PCMT1: variants seen among roughly 807,000 people sequenced by gnomAD.
The protein encoded by PCMT1 is protein-L-isoaspartate(D-aspartate) O-methyltransferase.
In PCMT1, 9 loss-of-function variants were observed where a neutral mutation model predicts 29.2. That is an observed-to-expected ratio of 0.31 (90% confidence interval 0.19 to 0.54). The LOEUF is 0.54. Ranked by LOEUF, PCMT1 falls within the 20% of genes least tolerant of loss-of-function variation. PCMT1 has a pLI of 0.95. For missense variants in PCMT1, 184 were observed against 282.2 expected (o/e 0.65, Z 2.49); for synonymous variants, 98 against 97.5 (o/e 1.00, Z -0.03).
At chr6:149,799,496 T>G (rs1788738145) in intron 6 of PCMT1, among the ~76,000 whole-genome samples, 1 of 152,202 alleles carries the variant, frequency 6.6e-6, no homozygotes, top group Non-Finnish European at 1.5e-5. Context: ...CAAGATAGTT[T>G]TAGGTTTGCA....
chr6:149,782,896 C>T (rs1362869096), intron 3 of PCMT1, among the ~76,000 whole-genome samples: 1 of 152,034 alleles, frequency 6.6e-6, no homozygotes, highest in South Asian at 2.1e-4. Flanking sequence ...GTGGCTGATG[C>T]GTGTAATCTC....
chr6:149,801,454 G>A (rs1414846869), intron 6 of PCMT1, among the ~76,000 whole-genome samples: 1 of 151,978 alleles, frequency 6.6e-6, no homozygotes, highest in African/African-American at 2.4e-5. Flanking sequence ...TATATACTAT[G>A]TATTTATTTT....
intron 1 of PCMT1, among the ~76,000 whole-genome samples, chr6:149,764,808 G>A (rs935498980): frequency 6.6e-6 from 1 of 151,934 alleles, no homozygotes; most frequent in Non-Finnish European, 1.5e-5. Flanking sequence ...TTGGGAGGCC[G>A]AGGCGGGTAG....
intron 3 of PCMT1, among the ~76,000 whole-genome samples, chr6:149,789,244 T>C (rs1051400000): frequency 1.3e-5 from 2 of 152,046 alleles, no homozygotes; most frequent in Non-Finnish European, 2.9e-5. Context: ...CCCAGCTAAT[T>C]TTCTTGTATT....
At chr6:149,778,566 G>T (rs762056768) in intron 3 of PCMT1, among the ~76,000 whole-genome samples, 2 of 150,026 alleles carry the variant, frequency 1.3e-5, no homozygotes, top group Non-Finnish European at 3.0e-5. Flanking sequence ...AAGACAGGGT[G>T]TTGCTTTGTT....
At chr6:149,781,143 T>C (rs1397936631) in intron 3 of PCMT1, among the ~76,000 whole-genome samples, 2 of 152,148 alleles carry the variant, frequency 1.3e-5, no homozygotes, top group Admixed American at 6.6e-5. Flanking sequence ...TGGCCATTTC[T>C]GTATCTTCTT....
At chr6:149,801,109 TG>T (rs1295762493) in intron 6 of PCMT1, among the ~76,000 whole-genome samples, 5 of 152,184 alleles carry the variant, frequency 3.3e-5, no homozygotes, top group Non-Finnish European at 5.9e-5. Context: ...CCAAAATATT[TG>T]GGACCAGAAG....
chr6:149,767,575 C>T (rs1434587393), intron 1 of PCMT1, among the ~76,000 whole-genome samples: 2 of 151,360 alleles, frequency 1.3e-5, no homozygotes, highest in Admixed American at 1.3e-4. Flanking sequence ...ACCTCAGTCC[C>T]CTGAGTAGCT....
intron 5 of PCMT1, 116 bp downstream of exon 5, chr6:149,793,785 A>C (rs1788485449): frequency 1.2e-6 from 1 of 867,284 alleles, no homozygotes; most frequent in Non-Finnish European, 1.6e-6. Context: ...AATCACTTTT[A>C]AGTACTAAAA....
chr6:149,801,049 T>C lies in PCMT1; in HGVS notation c.505-1151T>C, dbSNP rs192385797. Reference sequence around the variant, plus strand: ...GTCGTTTAATAGAGGAGGCTGATAGTTGAGTAATAATATAACAATCAAAGT... The same window carrying C: ...GTCGTTTAATAGAGGAGGCTGATAGCTGAGTAATAATATAACAATCAAAGT... On this transcript the variant is annotated intron_variant, in intron 6 of 7. Transcript: ENST00000464889. Among the ~76,000 whole-genome samples, 197 of 152,308 alleles carry C rather than the reference T, an allele frequency of 1.3e-3. 1 individual carries two copies. Among genetic ancestry groups the C allele is most frequent in the Non-Finnish European group, 2.2e-3 (153 of 68,026 alleles).
chr6:149,777,776 C>G (rs1481672360), intron 3 of PCMT1, among the ~76,000 whole-genome samples: 1 of 151,486 alleles, frequency 6.6e-6, no homozygotes, highest in Non-Finnish European at 1.5e-5. Context: ...TCCTTCCTTT[C>G]TTTCTTTGCT....
intron 1 of PCMT1, among the ~76,000 whole-genome samples, chr6:149,753,639 TTTTTG>T (rs1000448708): frequency 3.3e-5 from 5 of 152,332 alleles, no homozygotes; most frequent in South Asian, 2.1e-4. Flanking sequence ...CCAATAGTTT[TTTTTG>T]TTTTGTTTTG....
chr6:149,806,764 GTT>G (rs933405999), intron 7 of PCMT1, among the ~76,000 whole-genome samples: 1 of 151,554 alleles, frequency 6.6e-6, no homozygotes, highest in Admixed American at 6.6e-5. Flanking sequence ...TGATTTTCTT[GTT>G]TTTTTTGTAG....
chr6:149,786,955 C>T (rs1260526605), intron 3 of PCMT1, among the ~76,000 whole-genome samples: 8 of 135,090 alleles, frequency 5.9e-5, no homozygotes, highest in Non-Finnish European at 1.1e-4. Context: ...TGTAGCTAGC[C>T]GAGATCACGC....
intron 3 of PCMT1, among the ~76,000 whole-genome samples, chr6:149,779,333 C>T (rs1362030560): frequency 2.0e-5 from 3 of 152,142 alleles, no homozygotes; most frequent in African/African-American, 7.2e-5. Flanking sequence ...ACGTAACTCC[C>T]TAACTCCTGC....
At chr6:149,764,596 C>T (rs535340342) in intron 1 of PCMT1, among the ~76,000 whole-genome samples, 4 of 152,036 alleles carry the variant, frequency 2.6e-5, no homozygotes, top group Admixed American at 2.0e-4. Context: ...AAAAATTAGC[C>T]GAGTGTGGTG....
At chr6:149,768,444 ATTTTTTTT>A (rs548328646) in intron 1 of PCMT1, among the ~76,000 whole-genome samples, 18 of 75,848 alleles carry the variant, frequency 2.4e-4, no homozygotes, top group African/African-American at 1.0e-3. Context: ...TTAGTCTTGA[ATTTTTTTT>A]TTTTTTTTTT....
chr6:149,752,040 T>TTTTG (rs1213574822), intron 1 of PCMT1, among the ~76,000 whole-genome samples: 6 of 149,860 alleles, frequency 4.0e-5, no homozygotes, highest in Non-Finnish European at 8.9e-5. Flanking sequence ...TTTAGGGTTT[T>TTTTG]TTTTTTTTTT....
intron 7 of PCMT1, among the ~76,000 whole-genome samples, chr6:149,804,952 TAAA>T (rs1384094162): frequency 6.6e-6 from 1 of 152,120 alleles, no homozygotes. Context: ...TTAAGAAATT[TAAA>T]ATAGGGCCAG....
Sources: allele counts gnomAD v4.1 joint callset (sites outside exome capture counted in the v4.1 genomes callset), GRCh38; gene constraint gnomAD v4.1.1; transcripts MANE v1.5; gene names NCBI Gene and HGNC (gene_info 2026-07-23, HGNC 2026-07-21).